The following RPS6KC1 variants were observed in gnomAD, a reference collection of about 807,000 sequenced individuals.
RPS6KC1 encodes inactive ribosomal protein S6 kinase delta-1.
In RPS6KC1, 54 loss-of-function variants were observed where a neutral mutation model predicts 103.8. That is an observed-to-expected ratio of 0.52 (90% CI 0.42 to 0.65). RPS6KC1 has a LOEUF of 0.65. RPS6KC1 is among the 30% of genes least tolerant of loss of function. RPS6KC1 has a pLI of 0.00. For synonymous variants in RPS6KC1, 439 were observed against 438.7 expected (o/e 1.00, Z -0.01); for missense variants, 1,151 against 1,253.8 (o/e 0.92, Z 1.24).
the RPS6KC1 span, among the ~76,000 whole-genome samples, chr1:213,356,858 C>T: frequency 1.3e-5 from 2 of 152,060 alleles, no homozygotes; most frequent in Non-Finnish European, 2.9e-5. Flanking sequence ...AAGAGGTTCT[C>T]AAAACTTGTC....
chr1:213,442,822 C>T, the RPS6KC1 span, among the ~76,000 whole-genome samples: 4 of 152,132 alleles, frequency 2.6e-5, no homozygotes, highest in South Asian at 8.3e-4. Context: ...TCCTACATGG[C>T]CTTGTCCCAT....
intron 8 of RPS6KC1, among the ~76,000 whole-genome samples, chr1:213,177,627 CT>C (rs34851602): frequency 6.6e-6 from 1 of 151,944 alleles, no homozygotes; most frequent in East Asian, 1.9e-4. Flanking sequence ...TAGGATTTTT[CT>C]TTTTTTAAGA....
At chr1:213,342,136 G>A in the RPS6KC1 span, among the ~76,000 whole-genome samples, 1 of 152,180 alleles carries the variant, frequency 6.6e-6, no homozygotes, top group Admixed American at 6.5e-5. Flanking sequence ...GCTTAGGTGG[G>A]ATGTGGATGT....
At chr1:213,159,568 CATTA>C (rs1390388670) in intron 6 of RPS6KC1, among the ~76,000 whole-genome samples, 2 of 152,142 alleles carry the variant, frequency 1.3e-5, no homozygotes, top group African/African-American at 4.8e-5. Flanking sequence ...TGGCTTGACA[CATTA>C]ATTACCTGTT....
the RPS6KC1 span, among the ~76,000 whole-genome samples, chr1:213,483,406 A>G: frequency 3.9e-5 from 6 of 152,166 alleles, no homozygotes; most frequent in African/African-American, 1.4e-4. Flanking sequence ...CAATTTGTTT[A>G]TTTATTCACC....
chr1:213,524,622 C>T, the RPS6KC1 span, among the ~76,000 whole-genome samples: 5 of 152,210 alleles, frequency 3.3e-5, no homozygotes, highest in African/African-American at 9.6e-5. Flanking sequence ...CAAATCCTGT[C>T]TCTGCCATTT....
chr1:213,286,719 G>C, the RPS6KC1 span, among the ~76,000 whole-genome samples: 3 of 152,296 alleles, frequency 2.0e-5, no homozygotes, highest in East Asian at 5.8e-4. Context: ...CCATTTTGCA[G>C]TCTTCAATGG....
At chr1:213,451,557 G>A in the RPS6KC1 span, among the ~76,000 whole-genome samples, 4 of 152,212 alleles carry the variant, frequency 2.6e-5, no homozygotes, top group Admixed American at 6.5e-5. Flanking sequence ...CAGTGGGTGT[G>A]GGGGAGGTCG....
At chr1:213,777,984 G>A in the RPS6KC1 span, among the ~76,000 whole-genome samples, 5 of 152,092 alleles carry the variant, frequency 3.3e-5, no homozygotes, top group Non-Finnish European at 7.4e-5. Flanking sequence ...AGGAAGGTGA[G>A]GTGGGCAGTG....
chr1:213,391,187 C>T, the RPS6KC1 span, among the ~76,000 whole-genome samples: 1 of 152,084 alleles, frequency 6.6e-6, no homozygotes, highest in African/African-American at 2.4e-5. Context: ...TGATCTTTGC[C>T]TTGAACAGCT....
the RPS6KC1 span, among the ~76,000 whole-genome samples, chr1:213,707,219 G>A: frequency 9.2e-5 from 14 of 151,932 alleles, no homozygotes; most frequent in South Asian, 4.2e-4. Context: ...TGTTGTTTCC[G>A]GACTTTTTAA....
the RPS6KC1 span, among the ~76,000 whole-genome samples, chr1:213,597,015 C>G: frequency 6.6e-6 from 1 of 152,136 alleles, no homozygotes; most frequent in Admixed American, 6.5e-5. Flanking sequence ...ATAGACAGTT[C>G]AAAACCAAGC....
At chr1:213,317,042 G>C in the RPS6KC1 span, among the ~76,000 whole-genome samples, 1 of 152,258 alleles carries the variant, frequency 6.6e-6, no homozygotes, top group African/African-American at 2.4e-5. Context: ...GAGGGAAATG[G>C]AGCCATTGGT....
chr1:213,535,225 A>G, the RPS6KC1 span, among the ~76,000 whole-genome samples: 1 of 152,220 alleles, frequency 6.6e-6, no homozygotes, highest in Non-Finnish European at 1.5e-5. Flanking sequence ...GCCATATACA[A>G]TAAGATGAGT....
chr1:213,511,642 C>T, the RPS6KC1 span, among the ~76,000 whole-genome samples: 17 of 152,302 alleles, frequency 1.1e-4, no homozygotes, highest in African/African-American at 4.1e-4. Context: ...TTCACCTACT[C>T]TCCCTTCTCC....
At chr1:213,649,283 CAAT>C in the RPS6KC1 span, among the ~76,000 whole-genome samples, 10 of 147,390 alleles carry the variant, frequency 6.8e-5, no homozygotes, top group Non-Finnish European at 1.3e-4. Flanking sequence ...AAGTCTCCAA[CAAT>C]GTCTCTCCAG....
the RPS6KC1 span, among the ~76,000 whole-genome samples, chr1:213,523,668 T>A: frequency 0.015 from 2,230 of 152,236 alleles, 56 homozygotes; most frequent in African/African-American, 0.05. Context: ...TTATTATTGG[T>A]TTCAAAGTTT....
chr1:213,128,076 T>C (rs544344800), intron 5 of RPS6KC1, among the ~76,000 whole-genome samples: 1 of 152,356 alleles, frequency 6.6e-6, no homozygotes, highest in Admixed American at 6.5e-5. Flanking sequence ...TTCATAATTA[T>C]TTGAAAAGGC....
At chr1:213,670,599 G>C in the RPS6KC1 span, among the ~76,000 whole-genome samples, 3 of 152,014 alleles carry the variant, frequency 2.0e-5, no homozygotes, top group East Asian at 5.8e-4. Context: ...CATAACAATA[G>C]AGAGTGGCTG....
Sources: allele counts gnomAD v4.1 joint callset (sites outside exome capture counted in the v4.1 genomes callset), GRCh38; gene constraint gnomAD v4.1.1; transcripts MANE v1.5; gene names NCBI Gene and HGNC (gene_info 2026-07-23, HGNC 2026-07-21).